ZNF746: variants seen among roughly 807,000 people sequenced by gnomAD.
ZNF746 encodes the protein parkin-interacting substrate.
A neutral mutation model predicts 41.0 loss-of-function variants in ZNF746; 13 were observed. The observed-to-expected ratio is 0.32, with a 90% CI of 0.21 to 0.50. The LOEUF is 0.50. ZNF746 is among the 20% of genes least tolerant of loss of function. The probability of loss-of-function intolerance (pLI) is 0.98; values close to 1 mark genes in which losing one functional copy is unlikely to be tolerated. For missense variants in ZNF746, 811 were observed against 922.9 expected, an observed-to-expected ratio of 0.88 and a Z score of 1.57; for synonymous variants, 424 against 396.2, an observed-to-expected ratio of 1.07 and a Z score of -0.83.
At chr7:149,492,631 A>G (rs1800841102) in intron 4 of ZNF746, among the ~76,000 whole-genome samples, 1 of 152,126 alleles carries the variant, frequency 6.6e-6, no homozygotes, top group South Asian at 2.1e-4. Context: ...GTCTCTTCCT[A>G]AAAGATTAGG....
intron 4 of ZNF746, among the ~76,000 whole-genome samples, chr7:149,478,407 G>C (rs1340914559): frequency 6.6e-6 from 1 of 152,194 alleles, no homozygotes; most frequent in African/African-American, 2.4e-5. Context: ...TACTTGTCCA[G>C]GGCTATGTGT....
intron 1 of ZNF746, among the ~76,000 whole-genome samples, chr7:149,496,257 G>C (rs575632720): frequency 6.6e-6 from 1 of 152,282 alleles, no homozygotes; most frequent in South Asian, 2.1e-4. Context: ...GTTCTGATGG[G>C]GCCAGGAAAC....
chr7:149,492,052 G>A (rs971369443), intron 4 of ZNF746: 3 of 696,918 alleles, frequency 4.3e-6, no homozygotes, highest in Non-Finnish European at 7.9e-6. Context: ...ACTGCTACTG[G>A]TTTAAATTAA....
At chr7:149,479,540 G>C (rs1800423226) in intron 4 of ZNF746, among the ~76,000 whole-genome samples, 1 of 152,134 alleles carries the variant, frequency 6.6e-6, no homozygotes, top group African/African-American at 2.4e-5. Flanking sequence ...AAAAGAAAAA[G>C]ACATATTATG....
Position 149,474,772 on chromosome 7 carries a change from C to T in ZNF746, c.1595G>A (p.Gly532Asp). 6.4e-7 allele frequency: 1 copy of T among 1,568,336 alleles called. No homozygotes were observed. The highest frequency in any genetic ancestry group is 8.6e-7 in the Non-Finnish European group (1 of 1,161,980). Reference protein sequence around the residue: ...DGSALRCGECGRCFTRPAHLI... With the variant: ...DGSALRCGECDRCFTRPAHLI... ...GTGCGCGGGGCGCGTGAAGCAACGG[C>T]CGCACTCCCCACACCGAAGGGCGCT... The change falls in exon 7 of 7, where the codon GGC becomes GAC. Residue 532 changes from glycine (G) to aspartate (D), a missense_variant. Coordinates refer to ENST00000458143, the MANE Select transcript of ZNF746 (RefSeq NM_001394198.1). The surrounding 1 kb of genome is among the most constrained non-coding windows in gnomAD (Gnocchi z 6.3).
chr7:149,484,803 A>G (rs1194815727), intron 4 of ZNF746, among the ~76,000 whole-genome samples: 7 of 152,300 alleles, frequency 4.6e-5, no homozygotes, highest in Admixed American at 2.0e-4. Flanking sequence ...AGCATTAATG[A>G]AAATTTTAGT....
intron 4 of ZNF746, 24 bp from the exon 5 acceptor site, chr7:149,477,779 G>T: frequency 6.3e-7 from 1 of 1,576,016 alleles, no homozygotes; most frequent in East Asian, 2.3e-5. Flanking sequence ...TGAGTGTGAG[G>T]ATACAGCATC....
At chr7:149,479,752 A>T (rs1001499890) in intron 4 of ZNF746, among the ~76,000 whole-genome samples, 4 of 152,190 alleles carry the variant, frequency 2.6e-5, no homozygotes, top group Admixed American at 2.6e-4. Context: ...ATTGCTGAGT[A>T]GGCTGGGTAC....
Position 149,473,386 on chromosome 7 carries a change from G to A in ZNF746, c.*998C>T, listed in dbSNP as rs1800165245. The A allele has an allele frequency of 6.6e-6, 1 of 152,244 alleles. No homozygotes were observed. Among genetic ancestry groups the A allele is most frequent in the Non-Finnish European group, 1.5e-5 (1 of 68,072 alleles). The allele number at this position is 152,244 out of a possible 1,614,324, so 9.4% of individuals were successfully genotyped here. On this transcript the variant is annotated 3_prime_UTR_variant, in exon 7 of 7. Transcript: ENST00000458143. The stretch of plus-strand genomic sequence containing the variant: ...CCACGTGTACCCACAGTGAGAGGCT[G>A]AGGTGTGTCCCCTCTGAGCAGTTTG...
At chr7:149,476,313 C>CAAAAAAAAAA (rs55888950) in intron 6 of ZNF746, among the ~76,000 whole-genome samples, 3 of 63,314 alleles carry the variant, frequency 4.7e-5, no homozygotes, top group East Asian at 8.9e-4. Flanking sequence ...GACTCCGCCT[C>CAAAAAAAAAA]AAAAAAAAAA....
At chr7:149,475,855 G>A (rs962482213) in intron 6 of ZNF746, among the ~76,000 whole-genome samples, 3 of 152,238 alleles carry the variant, frequency 2.0e-5, no homozygotes, top group African/African-American at 7.2e-5. Flanking sequence ...CACACCAGCT[G>A]TGGGCTGCAG....
intron 3 of ZNF746, 130 bp downstream of exon 3, chr7:149,493,859 G>A (rs868069634): frequency 4.1e-6 from 6 of 1,471,834 alleles, no homozygotes; most frequent in Middle Eastern, 2.4e-4. Flanking sequence ...TTCACAAAAG[G>A]TAACAACTTG....
chr7:149,483,538 T>G (rs1800540493), intron 4 of ZNF746, among the ~76,000 whole-genome samples: 1 of 151,404 alleles, frequency 6.6e-6, no homozygotes, highest in Admixed American at 6.6e-5. Context: ...ACCCGGCAAG[T>G]GGAGATTGCA....
Position 149,474,244 on chromosome 7 carries a change from C to A in ZNF746, c.*140G>T, listed in dbSNP as rs1800200123. 1.0e-6 allele frequency: 1 copy of A among 963,464 alleles called. No homozygotes were observed. The highest frequency in any genetic ancestry group is 2.6e-5 in the Admixed American group (1 of 38,788). The allele number at this position is 963,464 out of a possible 1,614,324, so 59.7% of individuals were successfully genotyped here. ...CTGTCCTGGTGGATAGTTTCTCTTT[C>A]TCCAGTGATCATCAGTTCAGCAACT... On this transcript the variant is annotated 3_prime_UTR_variant, in exon 7 of 7. Transcript: ENST00000458143. The surrounding 1 kb of genome is among the most constrained non-coding windows in gnomAD (Gnocchi z 6.3).
chr7:149,474,889 G>C lies in ZNF746; in HGVS notation c.1478C>G (p.Ala493Gly). 6.6e-7 allele frequency: 1 copy of C among 1,519,678 alleles called. No homozygotes were observed. The highest frequency in any genetic ancestry group is 8.8e-7 in the Non-Finnish European group (1 of 1,139,038). The allele number at this position is 1,519,678 out of a possible 1,614,324, so 94.1% of individuals were successfully genotyped here. Residue 493 changes from alanine (A) to glycine (G), a missense_variant, in exon 7 of 7, where the codon GCG (alanine) becomes GGG (glycine). Physicochemically the swap from Ala to Gly is moderately conservative, Grantham distance 60. Coordinates refer to ENST00000458143, the MANE Select transcript of ZNF746 (RefSeq NM_001394198.1). The surrounding 1 kb of genome is among the most constrained non-coding windows in gnomAD (Gnocchi z 6.3). ...SLSAHQRSCG[A>G]PDGSGPGTGG... is the part of the protein sequence containing the mutation. ...TGTGCCCGGGCCCGACCCGTCGGGCGCCCCACAGCTGCGCTGGTGCGCGCT... is the reference window on the plus strand; with the variant it reads ...TGTGCCCGGGCCCGACCCGTCGGGCCCCCCACAGCTGCGCTGGTGCGCGCT...
In ZNF746 at chr7:149,494,307, T is replaced by C; in HGVS notation, c.221A>G (p.Tyr74Cys). 1 of 1,614,004 alleles carries C rather than the reference T, an allele frequency of 6.2e-7. No homozygotes were observed. The highest frequency in any genetic ancestry group is 8.5e-7 in the Non-Finnish European group (1 of 1,179,956). The change falls in exon 2 of 7, where the codon TAC becomes TGC. Residue 74 changes from tyrosine (Y) to cysteine (C), a missense_variant. By Grantham distance (194) the Tyr-to-Cys change is radical. Coordinates refer to ENST00000458143, the MANE Select transcript of ZNF746 (RefSeq NM_001394198.1). The surrounding 1 kb of genome is among the most constrained non-coding windows in gnomAD (Gnocchi z 5.6). ...WAVLGTLLQE[Y>C]GLLQRRLENV... ...CTCCAGCCGCCTCTGCAGCAGCCCG[T>C]ACTCCTGCAGCAGGGTCCCCAGCAC...
chr7:149,476,669 T>C (rs1800312034), intron 6 of ZNF746, among the ~76,000 whole-genome samples: 1 of 152,172 alleles, frequency 6.6e-6, no homozygotes, highest in Admixed American at 6.5e-5. Context: ...ATAGGCTTGT[T>C]AGAATAGACC....
chr7:149,493,976 T>C lies in ZNF746; in HGVS notation c.451+13A>G, dbSNP rs571927821. On this transcript the variant is annotated intron_variant, in intron 3 of 6. Transcript: ENST00000458143. ...AAATCCCATTTAACAGAGAAATGAGTGTCAGGCCTTACCCAGGGAGACCAG... is the reference window on the plus strand; with the variant it reads ...AAATCCCATTTAACAGAGAAATGAGCGTCAGGCCTTACCCAGGGAGACCAG... 1.1e-5 allele frequency: 17 copies of C among 1,614,018 alleles called. No individual in the cohort carries two copies. In the African/African-American group the frequency reaches 1.5e-4, roughly 14 times the overall value.
At chr7:149,477,318 G>A (rs560946203) in intron 5 of ZNF746, among the ~76,000 whole-genome samples, 45 of 152,254 alleles carry the variant, frequency 3.0e-4, no homozygotes, top group African/African-American at 9.6e-4. Flanking sequence ...CAAGAGAAGC[G>A]GCCTCACGGT....
Sources: allele counts gnomAD v4.1 joint callset (sites outside exome capture counted in the v4.1 genomes callset), GRCh38; gene constraint gnomAD v4.1.1; non-coding constraint Gnocchi (gnomAD v3.1); transcripts MANE v1.5; gene names NCBI Gene and HGNC (gene_info 2026-07-23, HGNC 2026-07-21).